Variants in NRXN1 observed in about 807,000 individuals in gnomAD.
NRXN1 encodes neurexin-1.
A neutral mutation model predicts 150.9 loss-of-function variants in NRXN1; 39 were observed. The observed-to-expected ratio is 0.26, with a 90% confidence interval of 0.20 to 0.34. NRXN1 has a LOEUF of 0.34. NRXN1 is among the 10% of genes least tolerant of loss of function. NRXN1 has a pLI of 1.00. For synonymous variants in NRXN1, 924 were observed against 757.0 expected (o/e 1.22, Z -3.62); for missense variants, 1,815 against 1,949.9 (o/e 0.93, Z 1.30).
intron 19 of NRXN1, among the ~76,000 whole-genome samples, chr2:50,083,630 G>A (rs1698311554): frequency 1.3e-5 from 2 of 152,260 alleles, no homozygotes; most frequent in South Asian, 2.1e-4. Context: ...CGGGCAGCCT[G>A]CTTTTATTCT....
chr2:50,671,727 T>G (rs1688882232), intron 5 of NRXN1, among the ~76,000 whole-genome samples: 1 of 151,798 alleles, frequency 6.6e-6, no homozygotes, highest in Non-Finnish European at 1.5e-5. Flanking sequence ...TAGAGATTTG[T>G]AAATTCAGCA....
At chr2:50,153,274 T>A (rs191652206) in intron 18 of NRXN1, among the ~76,000 whole-genome samples, 42 of 151,792 alleles carry the variant, frequency 2.8e-4, no homozygotes, top group African/African-American at 9.9e-4. Flanking sequence ...TTAGAGCATT[T>A]TTAAGACAAT....
chr2:50,393,887 T>C (rs2081897773), intron 17 of NRXN1, among the ~76,000 whole-genome samples: 1 of 152,110 alleles, frequency 6.6e-6, no homozygotes, highest in African/African-American at 2.4e-5. Flanking sequence ...TCAACAGGTG[T>C]CATCTCCAGA....
chr2:50,292,819 C>T (rs986826557), intron 17 of NRXN1, among the ~76,000 whole-genome samples: 2 of 152,108 alleles, frequency 1.3e-5, no homozygotes, highest in African/African-American at 2.4e-5. Context: ...TAAACAATCT[C>T]AATAATGCCA....
At chr2:50,978,545 A>C (rs1163686660) in intron 2 of NRXN1, among the ~76,000 whole-genome samples, 6 of 151,668 alleles carry the variant, frequency 4.0e-5, no homozygotes, top group Non-Finnish European at 5.9e-5. Context: ...TACTGTAAAC[A>C]AAATGTTGGA....
intron 5 of NRXN1, among the ~76,000 whole-genome samples, chr2:50,709,211 A>AT: frequency 6.6e-6 from 1 of 152,114 alleles, no homozygotes; most frequent in Non-Finnish European, 1.5e-5. Flanking sequence ...ATTTGCACAC[A>AT]TTTATTCAAC....
intron 21 of NRXN1, among the ~76,000 whole-genome samples, chr2:49,988,784 A>G (rs1681412869): frequency 6.6e-6 from 1 of 152,210 alleles, no homozygotes; most frequent in African/African-American, 2.4e-5. Flanking sequence ...AAATTTAATT[A>G]TTAACAAATG....
chr2:50,738,699 A>G (rs1699064173), intron 5 of NRXN1, among the ~76,000 whole-genome samples: 1 of 152,158 alleles, frequency 6.6e-6, no homozygotes, highest in Non-Finnish European at 1.5e-5. Flanking sequence ...TGTTTCAATA[A>G]CCACATATTA....
intron 17 of NRXN1, among the ~76,000 whole-genome samples, chr2:50,386,451 C>G (rs539473548): frequency 2.7e-4 from 41 of 151,896 alleles, no homozygotes; most frequent in African/African-American, 9.7e-4. Context: ...ACTAATGAGT[C>G]TTACAGAAGT....
At chr2:51,004,037 T>A (rs773843287) in intron 2 of NRXN1, among the ~76,000 whole-genome samples, 5 of 151,302 alleles carry the variant, frequency 3.3e-5, no homozygotes, top group Non-Finnish European at 7.4e-5. Context: ...TTTTTGTTAT[T>A]GTTGTTGTTG....
chr2:50,256,070 C>T (rs1442385108), intron 17 of NRXN1, among the ~76,000 whole-genome samples: 3 of 152,186 alleles, frequency 2.0e-5, no homozygotes, highest in African/African-American at 7.2e-5. Flanking sequence ...ATTTTTGAAA[C>T]AGCAGGCAGT....
rs186799502 is a variant in NRXN1 at position 50,657,439 on chromosome 2, T to C, written c.833-33824A>G. Among the ~76,000 whole-genome samples the C allele has an allele frequency of 5.9e-5, 9 of 151,988 alleles. No homozygotes were observed. The East Asian group carries it at 1.8e-3, about 30-fold the overall frequency. On this transcript the variant is annotated intron_variant, in intron 5 of 22. Coordinates refer to ENST00000401669, the MANE Select transcript of NRXN1 (RefSeq NM_001330078.2). ...ATAGTTAATCACTCATGTTTAAATA[T>C]TTTTTCGTCCATCTCCTACAGTAGA...
chr2:50,436,456 G>T (rs1190901373), intron 17 of NRXN1, among the ~76,000 whole-genome samples: 4 of 124,556 alleles, frequency 3.2e-5, no homozygotes, highest in South Asian at 2.6e-4. Context: ...TCCGTCTCAA[G>T]GAAAAAAAAA....
chr2:50,868,475 G>A (rs1677290489), intron 5 of NRXN1, among the ~76,000 whole-genome samples: 1 of 151,294 alleles, frequency 6.6e-6, no homozygotes, highest in Admixed American at 6.6e-5. Context: ...TTCAGGTGAT[G>A]GTTATACTAA....
chr2:50,931,788 A>G (rs1187508224), intron 2 of NRXN1, among the ~76,000 whole-genome samples: 5 of 152,264 alleles, frequency 3.3e-5, no homozygotes, highest in Middle Eastern at 3.4e-3. Context: ...TTTTAAAAGG[A>G]ATAGGCCATT....
chr2:50,844,070 A>C (rs1673261480), intron 5 of NRXN1, among the ~76,000 whole-genome samples: 1 of 152,188 alleles, frequency 6.6e-6, no homozygotes, highest in Admixed American at 6.5e-5. Context: ...TCACCTGTCC[A>C]AACCCAAAGA....
intron 8 of NRXN1, among the ~76,000 whole-genome samples, chr2:50,618,467 G>A (rs1679399164): frequency 6.6e-6 from 1 of 151,906 alleles, no homozygotes; most frequent in Non-Finnish European, 1.5e-5. Context: ...GTTTTAGTTT[G>A]TAACAAATTT....
intron 17 of NRXN1, among the ~76,000 whole-genome samples, chr2:50,400,513 T>C (rs1041450067): frequency 3.3e-5 from 5 of 152,088 alleles, no homozygotes; most frequent in Admixed American, 2.0e-4. Context: ...CTAGCTTAAA[T>C]AAATAATGCC....
intron 5 of NRXN1, among the ~76,000 whole-genome samples, chr2:50,665,215 T>A (rs2104677129): frequency 6.6e-6 from 1 of 152,086 alleles, no homozygotes; most frequent in South Asian, 2.1e-4. Flanking sequence ...ATCTACTACT[T>A]TTCTACCAGT....
Sources: allele counts gnomAD v4.1 joint callset (sites outside exome capture counted in the v4.1 genomes callset), GRCh38; gene constraint gnomAD v4.1.1; transcripts MANE v1.5; gene names NCBI Gene and HGNC (gene_info 2026-07-23, HGNC 2026-07-21).